Variants in GALNT13 observed in about 807,000 individuals in gnomAD.
GALNT13 encodes the protein polypeptide N-acetylgalactosaminyltransferase 13, also known as UDP-GalNAc:polypeptide N-acetylgalactosaminyltransferase 13.
GALNT13 carries 28 observed loss-of-function variants against 64.2 expected under a neutral mutation model. That is an observed-to-expected ratio of 0.44 (90% CI 0.32 to 0.60). The LOEUF is 0.60. GALNT13 is among the 20% of genes least tolerant of loss of function. The pLI, the probability that GALNT13 is intolerant of heterozygous loss-of-function variation, is 0.05. For missense variants in GALNT13, 577 were observed against 669.8 expected (o/e 0.86, Z 1.53); for synonymous variants, 214 against 224.6 (o/e 0.95, Z 0.42).
chr2:154,293,795 G>A lies in GALNT13; in HGVS notation c.976-7614G>A, dbSNP rs548866940. Among the ~76,000 whole-genome samples the A allele has an allele frequency of 2.7e-4, 41 of 152,204 alleles. No individual in the cohort carries two copies. The South Asian group carries it at 8.5e-3, about 32-fold the overall frequency. ...GGGTACAATAAAGGAAATTATCGAG[G>A]TAGTCATTGTGGACTCCACTCAATT... On this transcript the variant is annotated intron_variant, in intron 8 of 12. Transcript: ENST00000392825.
the GALNT13 span, among the ~76,000 whole-genome samples, chr2:153,439,914 G>A: frequency 2.0e-5 from 3 of 152,160 alleles, no homozygotes; most frequent in South Asian, 2.1e-4. Context: ...TGTCGCTCAC[G>A]CTGGGAGCTG....
intron 4 of GALNT13, among the ~76,000 whole-genome samples, chr2:154,146,937 A>C (rs1683639788): frequency 6.6e-6 from 1 of 152,020 alleles, no homozygotes; most frequent in South Asian, 2.1e-4. Context: ...TTTTCTATGA[A>C]GGTCTCCGTT....
chr2:154,384,792 C>T (rs1289451751), intron 9 of GALNT13, among the ~76,000 whole-genome samples: 1 of 151,904 alleles, frequency 6.6e-6, no homozygotes, highest in Non-Finnish European at 1.5e-5. Flanking sequence ...AATCATGATT[C>T]AGTATTATGC....
At chr2:153,443,518 T>C in the GALNT13 span, among the ~76,000 whole-genome samples, 2 of 152,266 alleles carry the variant, frequency 1.3e-5, no homozygotes, top group Non-Finnish European at 2.9e-5. Context: ...ATTTCATAAA[T>C]ATGTCACTAT....
the GALNT13 span, among the ~76,000 whole-genome samples, chr2:153,712,208 T>G: frequency 6.6e-6 from 1 of 152,184 alleles, no homozygotes; most frequent in Non-Finnish European, 1.5e-5. Flanking sequence ...TGTGCTTCAA[T>G]TAGAAGTATA....
At chr2:153,841,050 T>C in the GALNT13 span, among the ~76,000 whole-genome samples, 1 of 152,158 alleles carries the variant, frequency 6.6e-6, no homozygotes, top group Non-Finnish European at 1.5e-5. Flanking sequence ...GAAAAAAATG[T>C]TAGAATCAGT....
the GALNT13 span, among the ~76,000 whole-genome samples, chr2:153,603,571 AAGTTTCATTCATTTTCAGT>A: frequency 1.3e-5 from 2 of 151,952 alleles, no homozygotes; most frequent in African/African-American, 4.8e-5. Context: ...ATAATTTTCA[AAGTTTCATTCATTTTCAGT>A]GTTTGCTGTT....
chr2:154,408,146 C>T (rs890778572), intron 10 of GALNT13, among the ~76,000 whole-genome samples: 3 of 151,816 alleles, frequency 2.0e-5, no homozygotes, highest in African/African-American at 7.3e-5. Flanking sequence ...CTGAAATATC[C>T]CATTTATTAG....
At chr2:154,247,400 G>A (rs1486181086) in intron 7 of GALNT13, among the ~76,000 whole-genome samples, 1 of 151,878 alleles carries the variant, frequency 6.6e-6, no homozygotes, top group Non-Finnish European at 1.5e-5. Flanking sequence ...TAGATTCCGA[G>A]TGAAAACTAT....
chr2:153,611,118 T>C, the GALNT13 span, among the ~76,000 whole-genome samples: 1 of 152,206 alleles, frequency 6.6e-6, no homozygotes, highest in Non-Finnish European at 1.5e-5. Flanking sequence ...GGCTAACCAT[T>C]TGAAAATTTA....
intron 3 of GALNT13, among the ~76,000 whole-genome samples, chr2:153,950,819 C>T (rs1026701832): frequency 6.6e-6 from 1 of 151,954 alleles, no homozygotes; most frequent in African/African-American, 2.4e-5. Flanking sequence ...CTATTGAGTA[C>T]TATGTTCACA....
chr2:153,369,926 C>T, the GALNT13 span, among the ~76,000 whole-genome samples: 1 of 152,118 alleles, frequency 6.6e-6, no homozygotes, highest in South Asian at 2.1e-4. Context: ...CAGAGGTGTC[C>T]ATGTAAGCCA....
the GALNT13 span, among the ~76,000 whole-genome samples, chr2:153,147,014 C>T: frequency 3.3e-5 from 5 of 151,774 alleles, no homozygotes; most frequent in Non-Finnish European, 5.9e-5. Context: ...TAGTAGAAAA[C>T]CATTAATTCA....
the GALNT13 span, among the ~76,000 whole-genome samples, chr2:153,654,142 A>G: frequency 6.6e-6 from 1 of 152,114 alleles, no homozygotes; most frequent in Non-Finnish European, 1.5e-5. Context: ...GGAGATAGAG[A>G]AACAATGTAA....
At chr2:153,078,390 C>T in the GALNT13 span, among the ~76,000 whole-genome samples, 1 of 151,006 alleles carries the variant, frequency 6.6e-6, no homozygotes, top group East Asian at 1.9e-4. Context: ...CAGCTCACTG[C>T]AACGTCTGCC....
the GALNT13 span, among the ~76,000 whole-genome samples, chr2:153,077,735 A>G: frequency 6.6e-6 from 1 of 152,096 alleles, no homozygotes; most frequent in Non-Finnish European, 1.5e-5. Context: ...AAATTTAAGG[A>G]AGTTTATTTG....
chr2:153,487,009 G>A, the GALNT13 span, among the ~76,000 whole-genome samples: 3 of 152,180 alleles, frequency 2.0e-5, no homozygotes, highest in African/African-American at 7.2e-5. Context: ...GATTCAGCTC[G>A]ATTAATCAGA....
chr2:154,128,137 G>A (rs1294940833), intron 3 of GALNT13, among the ~76,000 whole-genome samples: 1 of 152,042 alleles, frequency 6.6e-6, no homozygotes, highest in African/African-American at 2.4e-5. Flanking sequence ...TGAGTTGTGA[G>A]AAAGAGTATG....
the GALNT13 span, among the ~76,000 whole-genome samples, chr2:153,804,444 C>A: frequency 1.3e-5 from 2 of 152,132 alleles, no homozygotes; most frequent in African/African-American, 4.8e-5. Flanking sequence ...TCCAAAGTGT[C>A]GGGATTATAG....
Sources: allele counts gnomAD v4.1 joint callset (sites outside exome capture counted in the v4.1 genomes callset), GRCh38; gene constraint gnomAD v4.1.1; transcripts MANE v1.5; gene names NCBI Gene and HGNC (gene_info 2026-07-23, HGNC 2026-07-21).